The following CCBE1 variants were observed in gnomAD, a reference collection of about 807,000 sequenced individuals.
CCBE1 encodes collagen and calcium-binding EGF domain-containing protein 1.
CCBE1 carries 37 observed loss-of-function variants against 50.0 expected under a neutral mutation model. That is an observed-to-expected ratio of 0.74 (90% CI 0.57 to 0.97). The LOEUF (loss-of-function observed/expected upper bound fraction) is 0.97, where lower values mean the gene tolerates loss of function less well. Among genes scored for constraint, CCBE1 ranks in the 50% least tolerant of loss-of-function variants. The pLI is 0.00. For missense variants in CCBE1, 538 were observed against 523.8 expected, an observed-to-expected ratio of 1.03 and a Z score of -0.26; for synonymous variants, 234 against 203.7, an observed-to-expected ratio of 1.15 and a Z score of -1.27.
At chr18:59,507,055 C>A (rs1913907908) in intron 2 of CCBE1, among the ~76,000 whole-genome samples, 1 of 152,138 alleles carries the variant, frequency 6.6e-6, no homozygotes, top group Admixed American at 6.5e-5. Context: ...CTACTGTAGC[C>A]TAACCTCTTA....
At chr18:59,600,823 A>C (rs934968364) in intron 2 of CCBE1, among the ~76,000 whole-genome samples, 2 of 151,954 alleles carry the variant, frequency 1.3e-5, no homozygotes, top group African/African-American at 4.8e-5. Context: ...TCTTCACCTC[A>C]TCCCCTAGCC....
At chr18:59,528,051 G>C (rs1331322814) in intron 2 of CCBE1, among the ~76,000 whole-genome samples, 1 of 152,162 alleles carries the variant, frequency 6.6e-6, no homozygotes, top group African/African-American at 2.4e-5. Context: ...AAATTCTCCT[G>C]GATGATATCC....
intron 5 of CCBE1, among the ~76,000 whole-genome samples, chr18:59,462,956 A>G (rs527816136): frequency 1.3e-5 from 2 of 152,384 alleles, no homozygotes; most frequent in South Asian, 4.1e-4. Context: ...ATCCTCTAAT[A>G]TTACTACTGC....
chr18:59,598,320 G>A (rs1231687210), intron 2 of CCBE1, among the ~76,000 whole-genome samples: 4 of 152,128 alleles, frequency 2.6e-5, no homozygotes, highest in Non-Finnish European at 4.4e-5. Context: ...CCCCCTCACC[G>A]CTGTGGGAAG....
intron 2 of CCBE1, among the ~76,000 whole-genome samples, chr18:59,659,720 A>G (rs2054255953): frequency 6.6e-6 from 1 of 152,188 alleles, no homozygotes; most frequent in Non-Finnish European, 1.5e-5. Context: ...ACACGTAGCT[A>G]TGTCATACAT....
intron 2 of CCBE1, among the ~76,000 whole-genome samples, chr18:59,513,706 A>G (rs1395077267): frequency 6.6e-6 from 1 of 152,246 alleles, no homozygotes; most frequent in African/African-American, 2.4e-5. Context: ...GCTACACTTT[A>G]GAGAAAACGG....
intron 2 of CCBE1, among the ~76,000 whole-genome samples, chr18:59,617,395 C>G (rs1191728478): frequency 6.6e-6 from 1 of 152,222 alleles, no homozygotes; most frequent in Non-Finnish European, 1.5e-5. Flanking sequence ...CCATGACCAT[C>G]CATCAGCCCA....
rs116853354 is a variant in CCBE1 at position 59,585,192 on chromosome 18, C to G, written c.213-104954G>C. ...TAGCCCTGGCTCACCCTTCAGATCT[C>G]GTAAGTGTCATCTGTTACAGGCAAC... On this transcript the variant is annotated intron_variant, in intron 2 of 10. Transcript: ENST00000439986. Among the ~76,000 whole-genome samples the G allele has an allele frequency of 2.6e-5, 4 of 152,058 alleles. No homozygotes were observed. The South Asian group carries it at 8.3e-4, about 32-fold the overall frequency.
intron 2 of CCBE1, among the ~76,000 whole-genome samples, chr18:59,549,548 G>A (rs1016039880): frequency 6.6e-6 from 1 of 152,192 alleles, no homozygotes; most frequent in Non-Finnish European, 1.5e-5. Flanking sequence ...TGTCAGTCAG[G>A]TGATTAAGAC....
intron 2 of CCBE1, among the ~76,000 whole-genome samples, chr18:59,556,691 T>TG (rs35511494): frequency 5.3e-5 from 8 of 152,092 alleles, no homozygotes; most frequent in African/African-American, 1.9e-4. Flanking sequence ...AACAATTATT[T>TG]GGAAAAAAAA....
At chr18:59,642,654 T>C (rs1251895130) in intron 2 of CCBE1, among the ~76,000 whole-genome samples, 1 of 152,140 alleles carries the variant, frequency 6.6e-6, no homozygotes, top group Non-Finnish European at 1.5e-5. Context: ...GGAATGATTC[T>C]CAAGAATACA....
chr18:59,555,685 A>G (rs1223703682), intron 2 of CCBE1, among the ~76,000 whole-genome samples: 2 of 152,228 alleles, frequency 1.3e-5, no homozygotes, highest in South Asian at 2.1e-4. Context: ...AAGAGGGTCA[A>G]TGTTACAGTC....
intron 2 of CCBE1, chr18:59,564,176 A>G (rs1021580970): frequency 6.6e-6 from 1 of 152,226 alleles, no homozygotes; most frequent in African/African-American, 2.4e-5. Flanking sequence ...TTTCCTTTCG[A>G]AAGTGTTTCA....
chr18:59,659,837 C>T (rs966543534), intron 2 of CCBE1, among the ~76,000 whole-genome samples: 3 of 152,192 alleles, frequency 2.0e-5, no homozygotes, highest in African/African-American at 7.2e-5. Flanking sequence ...GCTTCCTGGA[C>T]CCCCGTTTGC....
At chr18:59,616,702 G>C (rs2053641053) in intron 2 of CCBE1, among the ~76,000 whole-genome samples, 1 of 152,226 alleles carries the variant, frequency 6.6e-6, no homozygotes, top group African/African-American at 2.4e-5. Context: ...GGTTGGAGGG[G>C]TGCCAGGATT....
intron 2 of CCBE1, among the ~76,000 whole-genome samples, chr18:59,515,668 C>CTA (rs1914337411): frequency 6.6e-6 from 1 of 152,168 alleles, no homozygotes; most frequent in Admixed American, 6.5e-5. Context: ...TCTGCTGGCT[C>CTA]TATGTTGCTC....
At chr18:59,667,845 T>A (rs2054377134) in intron 2 of CCBE1, among the ~76,000 whole-genome samples, 1 of 152,158 alleles carries the variant, frequency 6.6e-6, no homozygotes, top group African/African-American at 2.4e-5. Context: ...CCTGTTCACC[T>A]GCAAGAACCC....
At chr18:59,542,845 G>C (rs916775341) in intron 2 of CCBE1, among the ~76,000 whole-genome samples, 1 of 152,096 alleles carries the variant, frequency 6.6e-6, no homozygotes, top group African/African-American at 2.4e-5. Context: ...CTTCTCTGAA[G>C]CTCTCACCCA....
intron 2 of CCBE1, among the ~76,000 whole-genome samples, chr18:59,632,396 C>T (rs574190029): frequency 4.8e-4 from 73 of 152,052 alleles, no homozygotes; most frequent in Middle Eastern, 3.4e-3. Flanking sequence ...TCTCGTGCCT[C>T]AGCCTCAGCT....
Sources: gnomAD v4.1 joint callset for allele counts (sites outside exome capture counted in the v4.1 genomes callset) on GRCh38, gnomAD v4.1.1 for gene constraint, MANE v1.5 for transcripts, NCBI Gene and HGNC (gene_info 2026-07-23, HGNC 2026-07-21) for gene names.